The following ZPBP variants were observed in gnomAD, a reference collection of about 807,000 sequenced individuals.
The protein encoded by ZPBP is zona pellucida-binding protein 1.
Under a neutral mutation model 44.8 loss-of-function variants are expected in ZPBP, and 26 were observed. The ratio of observed to expected loss-of-function variants is 0.58; its 90% CI spans 0.43 to 0.81. The LOEUF (loss-of-function observed/expected upper bound fraction) is 0.81. ZPBP is among the 30% of genes least tolerant of loss of function. The pLI is 0.00. For missense variants in ZPBP, 409 were observed against 434.0 expected, an observed-to-expected ratio of 0.94 and a Z score of 0.51; for synonymous variants, 174 against 153.2, an observed-to-expected ratio of 1.14 and a Z score of -1.00.
intron 4 of ZPBP, among the ~76,000 whole-genome samples, chr7:50,041,650 G>T (rs1800101350): frequency 6.6e-6 from 1 of 152,140 alleles, no homozygotes; most frequent in South Asian, 2.1e-4. Flanking sequence ...CCCATCCAAA[G>T]GTCACCAACA....
chr7:50,011,402 A>G (rs981539589), intron 6 of ZPBP, among the ~76,000 whole-genome samples: 4 of 152,212 alleles, frequency 2.6e-5, no homozygotes, highest in Non-Finnish European at 4.4e-5. Flanking sequence ...ACAACAAAGG[A>G]AATAATCAGT....
At chr7:49,955,542 G>C (rs1403786052) in intron 7 of ZPBP, among the ~76,000 whole-genome samples, 3 of 151,964 alleles carry the variant, frequency 2.0e-5, no homozygotes, top group Non-Finnish European at 4.4e-5. Flanking sequence ...GGGCAAGAGA[G>C]CGAGACTCTG....
At chr7:49,893,313 G>A (rs1016817306) in intron 2 of ZPBP, among the ~76,000 whole-genome samples, 1 of 152,138 alleles carries the variant, frequency 6.6e-6, no homozygotes, top group African/African-American at 2.4e-5. Flanking sequence ...ACTACAAGAA[G>A]GGCTCCTATT....
intron 7 of ZPBP, among the ~76,000 whole-genome samples, chr7:49,978,378 C>A (rs1796625613): frequency 1.3e-5 from 2 of 151,632 alleles, no homozygotes; most frequent in African/African-American, 4.8e-5. Flanking sequence ...CACAGAGAAG[C>A]TTTTCAGTAT....
At chr7:50,088,113 A>G (rs1802763109) in intron 2 of ZPBP, among the ~76,000 whole-genome samples, 2 of 152,154 alleles carry the variant, frequency 1.3e-5, no homozygotes, top group South Asian at 4.1e-4. Context: ...TAAAGTCCAA[A>G]AATAAACCCA....
rs1218361241 is a variant in ZPBP at position 49,981,674 on chromosome 7, AT to A, written c.961+1667del. ...TCTTGATATAAAATATATATTATAT[AT>A]TATATATAATAATATATATAATTAT... On this transcript the variant is annotated intron_variant, in intron 7 of 7. Coordinates refer to ENST00000046087, the MANE Select transcript of ZPBP (RefSeq NM_007009.3). Among the ~76,000 whole-genome samples, 7 of 44,350 alleles carry A rather than the reference AT, an allele frequency of 1.6e-4. 2 individuals carry two copies. Among genetic ancestry groups the A allele is most frequent in the African/African-American group, 1.0e-3 (6 of 5,778 alleles). The allele number at this position is 44,350 out of a possible 152,430, so 29.1% of individuals were successfully genotyped here.
At chr7:50,076,129 G>C (rs925185666) in intron 3 of ZPBP, among the ~76,000 whole-genome samples, 2 of 151,696 alleles carry the variant, frequency 1.3e-5, no homozygotes, top group African/African-American at 4.8e-5. Flanking sequence ...GATATATCAT[G>C]TTAACAGAAT....
At chr7:49,870,849 C>T (rs1791120399) in intron 2 of ZPBP, among the ~76,000 whole-genome samples, 1 of 152,192 alleles carries the variant, frequency 6.6e-6, no homozygotes, top group Non-Finnish European at 1.5e-5. Flanking sequence ...GGGAGAATCC[C>T]AGTTCAAGAA....
rs1803077589 is a variant in ZPBP, at chr7:50,093,095, C to A, written c.100G>T (p.Ala34Ser). 1.3e-5 allele frequency: 21 copies of A among 1,599,466 alleles called. No homozygotes were observed. Among genetic ancestry groups the A allele is most frequent in the Non-Finnish European group, 1.8e-5 (21 of 1,173,302 alleles). Reference sequence around the variant, plus strand: ...GATGAGGGCACCCGCACCAGGAAGGCGGAGATAAAGAGGAGGATGGCGGCC... The same window carrying A: ...GATGAGGGCACCCGCACCAGGAAGGAGGAGATAAAGAGGAGGATGGCGGCC... ...SRAAILLFIS[A>S]FLVRVPSSVG... Residue 34 changes from alanine (A) to serine (S), a missense_variant, in exon 1 of 8, where the codon GCC (alanine) becomes TCC (serine). Ala to Ser is a moderately conservative substitution (Grantham distance 99, BLOSUM62 1). Around this residue, in one of 2 missense-constraint regions of ZPBP, gnomAD observed 367 missense variants for 363.1 expected, o/e 1.01. Coordinates refer to ENST00000046087, the MANE Select transcript of ZPBP (RefSeq NM_007009.3).
At chr7:50,071,800 G>C (rs1244214246) in intron 3 of ZPBP, among the ~76,000 whole-genome samples, 3 of 152,002 alleles carry the variant, frequency 2.0e-5, no homozygotes, top group Admixed American at 1.3e-4. Context: ...TAAAAAAAAA[G>C]ACCCAGTCCT....
At chr7:49,978,824 T>C (rs1345756623) in intron 7 of ZPBP, among the ~76,000 whole-genome samples, 3 of 152,016 alleles carry the variant, frequency 2.0e-5, no homozygotes, top group Non-Finnish European at 1.5e-5. Flanking sequence ...TCTTTTTGAG[T>C]AGTTATATGC....
intron 2 of ZPBP, among the ~76,000 whole-genome samples, chr7:49,870,113 C>T (rs1791079864): frequency 6.6e-6 from 1 of 152,078 alleles, no homozygotes; most frequent in Non-Finnish European, 1.5e-5. Flanking sequence ...GGAGTGAAAA[C>T]ATTTTCGCTG....
chr7:49,978,829 A>G (rs982261249), intron 7 of ZPBP, among the ~76,000 whole-genome samples: 1 of 151,980 alleles, frequency 6.6e-6, no homozygotes, highest in East Asian at 1.9e-4. Context: ...TTGAGTAGTT[A>G]TATGCTTTTC....
intron 3 of ZPBP, among the ~76,000 whole-genome samples, chr7:50,066,308 T>C (rs371273455): frequency 3.3e-5 from 5 of 150,412 alleles, no homozygotes; most frequent in African/African-American, 1.2e-4. Context: ...CCAGAATTTA[T>C]AGGTTAAGAG....
chr7:49,951,638 T>C (rs1031863734), intron 7 of ZPBP, among the ~76,000 whole-genome samples: 32 of 151,500 alleles, frequency 2.1e-4, no homozygotes, highest in Middle Eastern at 3.4e-3. Flanking sequence ...TAAAATGGTA[T>C]ATGTCTTGTG....
chr7:49,842,594 T>C, the ZPBP span, among the ~76,000 whole-genome samples: 1 of 152,202 alleles, frequency 6.6e-6, no homozygotes, highest in Non-Finnish European at 1.5e-5. Context: ...TATAATCATG[T>C]GTCAGTGAAC....
chr7:49,859,782 G>A (rs1391439521), intron 2 of ZPBP, among the ~76,000 whole-genome samples: 3 of 102,556 alleles, frequency 2.9e-5, no homozygotes, highest in Non-Finnish European at 5.9e-5. Context: ...CTTACAGTGC[G>A]CGTGCGTGCA....
intron 7 of ZPBP, among the ~76,000 whole-genome samples, chr7:49,960,292 A>G (rs1428090530): frequency 3.9e-5 from 6 of 151,954 alleles, no homozygotes; most frequent in Non-Finnish European, 4.4e-5. Context: ...GTGGTTGTGC[A>G]TGCCTGTAAT....
chr7:49,965,318 G>A (rs755794969), intron 7 of ZPBP, among the ~76,000 whole-genome samples: 126 of 151,860 alleles, frequency 8.3e-4, no homozygotes, highest in African/African-American at 3.0e-3. Context: ...ATATCTCATT[G>A]GAAACAATCA....
Sources: gnomAD v4.1 joint callset for allele counts (sites outside exome capture counted in the v4.1 genomes callset) on GRCh38, gnomAD v4.1.1 for gene constraint, gnomAD v4.1.1 regional missense constraint, MANE v1.5 for transcripts, NCBI Gene and HGNC (gene_info 2026-07-23, HGNC 2026-07-21) for gene names.